The following COP1 variants were observed in gnomAD, a reference collection of about 807,000 sequenced individuals.
COP1 encodes the protein COP1 E3 ubiquitin ligase, also known as E3 ubiquitin-protein ligase COP1.
COP1 carries 24 observed loss-of-function variants against 101.3 expected under a neutral mutation model. That is an observed-to-expected ratio of 0.24 (90% CI 0.17 to 0.33). The LOEUF is 0.33. COP1 is among the 10% of genes least tolerant of loss of function. COP1 has a pLI of 1.00. For synonymous variants in COP1, 347 were observed against 341.9 expected (o/e 1.01, Z -0.17); for missense variants, 663 against 906.2 (o/e 0.73, Z 3.45).
chr1:176,014,125 C>A (rs974052262), intron 15 of COP1, among the ~76,000 whole-genome samples: 5 of 152,090 alleles, frequency 3.3e-5, no homozygotes, highest in Non-Finnish European at 7.4e-5. Context: ...AGAAAGCATG[C>A]AGAATTTGAT....
chr1:175,949,393 T>C (rs1649600340), intron 18 of COP1, among the ~76,000 whole-genome samples: 1 of 152,038 alleles, frequency 6.6e-6, no homozygotes, highest in South Asian at 2.1e-4. Flanking sequence ...GTTCTGGATG[T>C]CCTTTAGGAA....
chr1:176,128,047 T>TCAATA (rs1553276989), intron 8 of COP1, among the ~76,000 whole-genome samples: 1 of 152,020 alleles, frequency 6.6e-6, no homozygotes, highest in African/African-American at 2.4e-5. Flanking sequence ...AAATACCTGT[T>TCAATA]CAAGTCCTTT....
rs369854636 is a variant in COP1, at chr1:176,038,699, TC to T, written c.1612+4486del. 2.6e-3 allele frequency among the ~76,000 whole-genome samples: 397 copies of T among 151,866 alleles called. 3 individuals carry two copies. The highest frequency in any genetic ancestry group is 9.2e-3 in the African/African-American group (379 of 41,376). On this transcript the variant is annotated intron_variant, in intron 14 of 19. Transcript: ENST00000367669. ...CACGTGTGGTGGCGTGCGCCTGTAA[TC>T]CCAGCTACTCAGGAGGCTGAGGCAG...
At chr1:176,174,041 A>G (rs2101901767) in intron 3 of COP1, among the ~76,000 whole-genome samples, 1 of 149,354 alleles carries the variant, frequency 6.7e-6, no homozygotes, top group East Asian at 2.0e-4. Context: ...ATCACTTTCC[A>G]GCTTAAGTGG....
intron 3 of COP1, among the ~76,000 whole-genome samples, chr1:176,165,364 G>A (rs1446717126): frequency 1.1e-5 from 1 of 93,050 alleles, no homozygotes; most frequent in Non-Finnish European, 2.0e-5. Context: ...TGTGTGTCGT[G>A]TGTGTGTGTG....
At chr1:176,038,591 G>A (rs367600121) in intron 14 of COP1, among the ~76,000 whole-genome samples, 2 of 152,180 alleles carry the variant, frequency 1.3e-5, no homozygotes, top group African/African-American at 2.4e-5. Context: ...AGGCCAAGGC[G>A]GGCAGATCAC....
intron 5 of COP1, among the ~76,000 whole-genome samples, chr1:176,155,451 C>T (rs1693302829): frequency 6.6e-6 from 1 of 151,386 alleles, no homozygotes; most frequent in South Asian, 2.1e-4. Context: ...TTTAAATTCA[C>T]AGGAAAAAAA....
At chr1:176,121,878 C>A (rs757130380) in intron 8 of COP1, among the ~76,000 whole-genome samples, 1 of 151,892 alleles carries the variant, frequency 6.6e-6, no homozygotes, top group African/African-American at 2.4e-5. Context: ...AGTTTGGTCA[C>A]GCCTGTAATC....
chr1:176,163,019 C>G (rs778138813), intron 4 of COP1, 31 bp from the exon 5 acceptor site: 2 of 1,589,956 alleles, frequency 1.3e-6, no homozygotes, highest in Non-Finnish European at 1.7e-6. Context: ...AACACAACAA[C>G]TTCCTATGAA....
At chr1:176,015,338 G>A (rs1383888131) in intron 15 of COP1, among the ~76,000 whole-genome samples, 1 of 152,144 alleles carries the variant, frequency 6.6e-6, no homozygotes, top group African/African-American at 2.4e-5. Context: ...TAAAGGTAAT[G>A]TAACCAAATG....
intron 11 of COP1, among the ~76,000 whole-genome samples, chr1:176,068,315 T>G (rs991196043): frequency 6.6e-6 from 1 of 152,168 alleles, no homozygotes; most frequent in African/African-American, 2.4e-5. Context: ...CAAAGTGTGG[T>G]TGCAGACCAG....
At chr1:176,131,403 T>A (rs1392482922) in intron 8 of COP1, among the ~76,000 whole-genome samples, 1 of 151,752 alleles carries the variant, frequency 6.6e-6, no homozygotes, top group African/African-American at 2.4e-5. Flanking sequence ...AGGGAGAGAA[T>A]ACCATTATCT....
chr1:176,005,345 A>G (rs554472248), intron 15 of COP1, among the ~76,000 whole-genome samples: 1 of 151,554 alleles, frequency 6.6e-6, no homozygotes, highest in South Asian at 2.1e-4. Flanking sequence ...TTGTGTCTCT[A>G]TTTCCTTCAG....
chr1:176,081,381 A>C, intron 10 of COP1, 94 bp from the exon 11 acceptor site: 2 of 981,534 alleles, frequency 2.0e-6, no homozygotes, highest in East Asian at 2.7e-5. Flanking sequence ...TTATATTCTA[A>C]ATACAAAAAA....
chr1:176,110,025 G>A (rs778332078), intron 9 of COP1, among the ~76,000 whole-genome samples: 1 of 152,056 alleles, frequency 6.6e-6, no homozygotes, highest in Non-Finnish European at 1.5e-5. Flanking sequence ...TGAGTGCACT[G>A]ATTTTTTAAC....
intron 10 of COP1, among the ~76,000 whole-genome samples, chr1:176,081,842 C>A (rs1679213786): frequency 6.6e-6 from 1 of 152,024 alleles, no homozygotes; most frequent in Non-Finnish European, 1.5e-5. Context: ...ACTATTAATT[C>A]TAAAAAACAA....
intron 1 of COP1, among the ~76,000 whole-genome samples, chr1:176,187,329 T>C (rs1400818244): frequency 1.3e-5 from 2 of 152,090 alleles, no homozygotes; most frequent in East Asian, 3.9e-4. Flanking sequence ...CACACACATA[T>C]ACACATATAT....
intron 6 of COP1, among the ~76,000 whole-genome samples, chr1:176,142,741 T>C (rs1644725172): frequency 6.6e-6 from 1 of 151,494 alleles, no homozygotes. Flanking sequence ...AATCTCAATG[T>C]TCAAGTAATA....
chr1:176,068,521 T>G (rs951238283), intron 11 of COP1, among the ~76,000 whole-genome samples: 3 of 152,352 alleles, frequency 2.0e-5, no homozygotes, highest in Middle Eastern at 6.8e-3. Context: ...ACGTAGTATT[T>G]ACAACATGCC....
Sources: allele counts gnomAD v4.1 joint callset (sites outside exome capture counted in the v4.1 genomes callset), GRCh38; gene constraint gnomAD v4.1.1; transcripts MANE v1.5; gene names NCBI Gene and HGNC (gene_info 2026-07-23, HGNC 2026-07-21).